Variants in PDGFD observed in about 807,000 individuals in gnomAD.
PDGFD encodes the protein platelet-derived growth factor D.
In PDGFD, 30 loss-of-function variants were observed where a neutral mutation model predicts 44.7. The observed-to-expected ratio is 0.67, with a 90% CI of 0.50 to 0.91. The LOEUF (loss-of-function observed/expected upper bound fraction) is 0.91. PDGFD is among the 40% of genes least tolerant of loss of function. The probability of loss-of-function intolerance (pLI) is 0.00; values close to 1 mark genes in which losing one functional copy is unlikely to be tolerated. For missense variants in PDGFD, 445 were observed against 457.8 expected, an observed-to-expected ratio of 0.97 and a Z score of 0.25; for synonymous variants, 173 against 168.4, an observed-to-expected ratio of 1.03 and a Z score of -0.21.
chr11:104,150,986 A>G (rs922270882), intron 1 of PDGFD, among the ~76,000 whole-genome samples: 1 of 152,230 alleles, frequency 6.6e-6, no homozygotes, highest in African/African-American at 2.4e-5. Context: ...AATCTGAAGC[A>G]TTAATTAAAA....
chr11:104,136,010 G>T (rs1443551539), intron 1 of PDGFD, among the ~76,000 whole-genome samples: 1 of 152,196 alleles, frequency 6.6e-6, no homozygotes, highest in Non-Finnish European at 1.5e-5. Flanking sequence ...TTGGAGTCTG[G>T]AAGGAGAAAG....
At chr11:104,091,295 C>A (rs1157787286) in intron 1 of PDGFD, among the ~76,000 whole-genome samples, 1 of 152,048 alleles carries the variant, frequency 6.6e-6, no homozygotes. Context: ...ATTACAGAAT[C>A]AGGAATTTTT....
intron 1 of PDGFD, among the ~76,000 whole-genome samples, chr11:104,150,812 C>T (rs937072198): frequency 6.6e-6 from 1 of 152,132 alleles, no homozygotes; most frequent in Non-Finnish European, 1.5e-5. Context: ...CATTTAGGGC[C>T]TACCCAAATA....
chr11:103,992,919 C>T (rs1370207791), intron 3 of PDGFD, among the ~76,000 whole-genome samples: 2 of 152,064 alleles, frequency 1.3e-5, no homozygotes, highest in African/African-American at 4.8e-5. Context: ...GTCACTGAGG[C>T]AGGAAGAGCA....
chr11:103,966,485 TA>T (rs747786136), intron 3 of PDGFD, among the ~76,000 whole-genome samples: 1 of 152,158 alleles, frequency 6.6e-6, no homozygotes, highest in Non-Finnish European at 1.5e-5. Flanking sequence ...AAAAGCACCA[TA>T]AACTTTTATA....
At chr11:104,069,983 C>T (rs1237867995) in intron 1 of PDGFD, among the ~76,000 whole-genome samples, 1 of 152,236 alleles carries the variant, frequency 6.6e-6, no homozygotes, top group African/African-American at 2.4e-5. Context: ...CCTCCAGTAT[C>T]ATAATTGTTG....
chr11:104,072,167 C>A (rs1207275870), intron 1 of PDGFD, among the ~76,000 whole-genome samples: 1 of 151,578 alleles, frequency 6.6e-6, no homozygotes, highest in Non-Finnish European at 1.5e-5. Context: ...TTATAAAATA[C>A]AAAAACTGAT....
At position 103,962,095 on chromosome 11, in the gene PDGFD, G is replaced by A. The variant is rs79007804; in HGVS notation, c.511-14371C>T. Among the ~76,000 whole-genome samples, 936 of 152,112 alleles carry A rather than the reference G, an allele frequency of 6.2e-3. 3 individuals carry two copies. Among genetic ancestry groups the A allele is most frequent in the East Asian group, 0.027 (141 of 5,172 alleles). On this transcript the variant is annotated intron_variant, in intron 3 of 6. Coordinates refer to ENST00000393158, the MANE Select transcript of PDGFD (RefSeq NM_025208.5). Reference sequence around the variant, plus strand: ...AGCTATTCAGGGAAATGAGGGTGGTGGAAAAAAATTGAAGACAAGGAATTC... The same window carrying A: ...AGCTATTCAGGGAAATGAGGGTGGTAGAAAAAAATTGAAGACAAGGAATTC...
chr11:104,161,804 C>G (rs745441662), intron 1 of PDGFD, among the ~76,000 whole-genome samples: 4 of 152,120 alleles, frequency 2.6e-5, no homozygotes, highest in Non-Finnish European at 5.9e-5. Context: ...ATTTTCTAAA[C>G]TAACAATCCA....
chr11:104,142,820 C>T (rs1456025542), intron 1 of PDGFD, among the ~76,000 whole-genome samples: 3 of 152,172 alleles, frequency 2.0e-5, no homozygotes, highest in African/African-American at 4.8e-5. Context: ...TTAAATGTTA[C>T]GATGCCTCCA....
At chr11:103,955,142 C>T (rs1256554307) in intron 3 of PDGFD, among the ~76,000 whole-genome samples, 2 of 112,750 alleles carry the variant, frequency 1.8e-5, no homozygotes, top group Admixed American at 1.2e-4. Context: ...CCAGCCTGGG[C>T]GACAGAGCGA....
chr11:104,117,807 C>T (rs1255118460), intron 1 of PDGFD, among the ~76,000 whole-genome samples: 1 of 151,868 alleles, frequency 6.6e-6, no homozygotes, highest in Non-Finnish European at 1.5e-5. Flanking sequence ...GGCCATATTG[C>T]CAAAAGCAAT....
intron 1 of PDGFD, among the ~76,000 whole-genome samples, chr11:104,159,167 A>C (rs1226472753): frequency 6.6e-6 from 1 of 151,746 alleles, no homozygotes; most frequent in African/African-American, 2.4e-5. Context: ...AAAAAAAAAA[A>C]AAAAAAACTA....
At chr11:104,022,917 G>GT (rs71037210) in intron 1 of PDGFD, among the ~76,000 whole-genome samples, 10 of 151,462 alleles carry the variant, frequency 6.6e-5, no homozygotes, top group Admixed American at 2.6e-4. Flanking sequence ...TATAAAATTT[G>GT]TTTTTTTTCC....
intron 1 of PDGFD, 145 bp from the exon 2 acceptor site, chr11:104,000,400 A>C: frequency 1.4e-6 from 1 of 698,618 alleles, no homozygotes; most frequent in South Asian, 1.9e-5. Flanking sequence ...AAATAAACAA[A>C]CTTTTTTTCT....
intron 5 of PDGFD, among the ~76,000 whole-genome samples, chr11:103,933,628 A>C (rs1401479938): frequency 6.6e-6 from 1 of 152,238 alleles, no homozygotes; most frequent in Non-Finnish European, 1.5e-5. Context: ...ATTGTGAAGC[A>C]ACGAGTGAAT....
intron 1 of PDGFD, among the ~76,000 whole-genome samples, chr11:104,034,583 A>G (rs1860187756): frequency 6.6e-6 from 1 of 152,124 alleles, no homozygotes; most frequent in South Asian, 2.1e-4. Flanking sequence ...ATCTTGGTTC[A>G]TAAGTAGGTA....
chr11:104,163,692 C>G, intron 1 of PDGFD, 112 bp downstream of exon 1: 1 of 1,292,700 alleles, frequency 7.7e-7, no homozygotes, highest in Non-Finnish European at 1.0e-6. Flanking sequence ...ACAATGCATT[C>G]AGCCCGAGTT....
At chr11:103,989,021 C>CTTA (rs959035909) in intron 3 of PDGFD, among the ~76,000 whole-genome samples, 1 of 151,822 alleles carries the variant, frequency 6.6e-6, no homozygotes, top group South Asian at 2.1e-4. Flanking sequence ...TATTATTCAT[C>CTTA]TTATTATTAT....
Sources: allele counts gnomAD v4.1 joint callset (sites outside exome capture counted in the v4.1 genomes callset), GRCh38; gene constraint gnomAD v4.1.1; transcripts MANE v1.5; gene names NCBI Gene and HGNC (gene_info 2026-07-23, HGNC 2026-07-21).